Variants in TBCE observed in about 807,000 individuals in gnomAD.
TBCE encodes the protein tubulin-specific chaperone E.
A neutral mutation model predicts 77.0 loss-of-function variants in TBCE; 53 were observed. The ratio of observed to expected loss-of-function variants is 0.69; its 90% CI spans 0.55 to 0.87. The LOEUF (loss-of-function observed/expected upper bound fraction) is 0.87, where lower values mean the gene tolerates loss of function less well. Ranked by LOEUF, TBCE falls within the 40% of genes least tolerant of loss-of-function variation. The pLI is 0.00. For synonymous variants in TBCE, 235 were observed against 241.3 expected, an observed-to-expected ratio of 0.97 and a Z score of 0.24; for missense variants, 624 against 622.4, an observed-to-expected ratio of 1.00 and a Z score of -0.03.
At chr1:235,439,034 C>G in intron 13 of TBCE, 112 bp downstream of exon 13, 1 of 1,475,736 alleles carries the variant, frequency 6.8e-7, no homozygotes, top group Non-Finnish European at 9.4e-7. Flanking sequence ...TCTTCCTTTC[C>G]TGGGCTTCTT....
In TBCE at chr1:235,433,288, T is replaced by C. The variant is rs1012376560; in HGVS notation, c.661-916T>C. 11 of 742,100 alleles carry C rather than the reference T, an allele frequency of 1.5e-5. 1 individual carries two copies. Among genetic ancestry groups the C allele is most frequent in the African/African-American group, 1.5e-4 (8 of 54,466 alleles). 46.0% of individuals were successfully genotyped at this position (742,100 alleles called of 1,614,324 possible). On this transcript the variant is annotated intron_variant, in intron 7 of 16. Coordinates refer to ENST00000642610, the MANE Select transcript of TBCE (RefSeq NM_003193.5). ...TAGGCTGGAGTGCAGTGGTGTGATA[T>C]TGGCTCACTGCAACCTCTGCCTCCT...
chr1:235,370,063 T>A (rs1333357934), intron 1 of TBCE, among the ~76,000 whole-genome samples: 1 of 152,076 alleles, frequency 6.6e-6, no homozygotes, highest in Non-Finnish European at 1.5e-5. Context: ...GACCTTTACC[T>A]TCTCAGTAAG....
intron 1 of TBCE, among the ~76,000 whole-genome samples, chr1:235,377,489 G>A (rs1418760985): frequency 6.6e-6 from 1 of 151,948 alleles, no homozygotes; most frequent in African/African-American, 2.4e-5. Flanking sequence ...TAATGTTATT[G>A]TTTTTACAAA....
intron 15 of TBCE, among the ~76,000 whole-genome samples, chr1:235,447,965 C>T (rs1197717626): frequency 6.6e-6 from 1 of 152,026 alleles, no homozygotes; most frequent in Non-Finnish European, 1.5e-5. Flanking sequence ...AATCCCAGCA[C>T]TTTGGGGGGC....
rs532429524 is a variant in TBCE at position 235,448,581 on chromosome 1, C to T, written c.1492-89C>T. 11 of 1,382,638 alleles carry T rather than the reference C, an allele frequency of 8.0e-6. No individual in the cohort carries two copies. In the African/African-American group the frequency reaches 1.1e-4, roughly 14 times the overall value. The allele number at this position is 1,382,638 out of a possible 1,614,324, so 85.6% of individuals were successfully genotyped here. A position where few individuals can be genotyped will look rare whatever the true frequency, so the allele number is the denominator to read the frequency against. ...TTTGATTTTAAGGGTAAGCTACTGC[C>T]TGGGGACGGGGTGGGGGAAGAGTAT... On this transcript the variant is annotated intron_variant, in intron 16 of 16. Coordinates refer to ENST00000642610, the MANE Select transcript of TBCE (RefSeq NM_003193.5).
chr1:235,401,576 T>C lies in TBCE; in HGVS notation c.174T>C (p.Tyr58=), dbSNP rs1449514854. 6.2e-7 allele frequency: 1 copy of C among 1,613,556 alleles called. No individual in the cohort carries two copies. Among genetic ancestry groups the C allele is most frequent in the South Asian group, 1.1e-5 (1 of 91,060 alleles). The stretch of plus-strand genomic sequence containing the variant: ...ATGGGAGCCACGAAGGGACTGTGTA[T>C]TTTAAATGCAGGTAACTTTTCATTA... ...KHDGSHEGTV[Y]FKCRHPTGGS... is the part of the protein sequence containing the mutation. The change falls in exon 3 of 17, where the codon TAT becomes TAC. Residue 58 remains tyrosine, a synonymous_variant. Coordinates refer to ENST00000642610, the MANE Select transcript of TBCE (RefSeq NM_003193.5).
At chr1:235,442,296 G>A (rs1269695697) in intron 14 of TBCE, among the ~76,000 whole-genome samples, 2 of 152,094 alleles carry the variant, frequency 1.3e-5, no homozygotes, top group Non-Finnish European at 2.9e-5. Context: ...TTAGCCTCCC[G>A]AGTAGCTGGG....
At chr1:235,448,508 T>C (rs1682632612) in intron 16 of TBCE, 68 bp downstream of exon 16, 4 of 1,486,482 alleles carry the variant, frequency 2.7e-6, no homozygotes, top group Non-Finnish European at 3.8e-6. Flanking sequence ...TTAAACTGTC[T>C]CTAGATAGCA....
rs539977863 is a variant in TBCE at position 235,408,292 on chromosome 1, A to G, written c.186-6141A>G. 1.6e-4 allele frequency among the ~76,000 whole-genome samples: 25 copies of G among 152,372 alleles called. No individual in the cohort carries two copies. In the South Asian group the frequency reaches 5.2e-3, roughly 32 times the overall value. On this transcript the variant is annotated intron_variant, in intron 3 of 16. Transcript: ENST00000642610. ...TTGTATGTACCCACAAAAATTAAAAATTAAACTAAAAAAAGAAAGCCCTTG... is the reference window on the plus strand; with the variant it reads ...TTGTATGTACCCACAAAAATTAAAAGTTAAACTAAAAAAAGAAAGCCCTTG...
intron 7 of TBCE, among the ~76,000 whole-genome samples, chr1:235,431,724 G>A (rs1558385200): frequency 6.7e-6 from 1 of 148,380 alleles, no homozygotes. Context: ...CCAAGGTGGA[G>A]TGCAGTGGCG....
intron 3 of TBCE, among the ~76,000 whole-genome samples, chr1:235,408,923 C>A (rs1234532995): frequency 1.3e-5 from 2 of 151,972 alleles, no homozygotes; most frequent in Non-Finnish European, 2.9e-5. Flanking sequence ...TGTTGGGGAC[C>A]CTTTACCTTT....
chr1:235,446,174 C>G (rs970750235), intron 15 of TBCE, among the ~76,000 whole-genome samples: 1 of 149,856 alleles, frequency 6.7e-6, no homozygotes, highest in Non-Finnish European at 1.5e-5. Flanking sequence ...ATTATAAAAC[C>G]TATACATCCT....
At chr1:235,438,143 TG>T (rs879365202) in intron 12 of TBCE, among the ~76,000 whole-genome samples, 9 of 152,252 alleles carry the variant, frequency 5.9e-5, no homozygotes, top group Non-Finnish European at 1.2e-4. Context: ...GTGCATTCAC[TG>T]GGAGTCAGTC....
chr1:235,394,375 G>GTAATGAAT (rs1267404324), intron 2 of TBCE, among the ~76,000 whole-genome samples: 2 of 134,384 alleles, frequency 1.5e-5, no homozygotes, highest in African/African-American at 5.5e-5. Context: ...TGCCTGGCCT[G>GTAATGAAT]TAATGAATTT....
intron 15 of TBCE, among the ~76,000 whole-genome samples, chr1:235,446,292 T>C (rs1682280944): frequency 1.3e-5 from 2 of 152,228 alleles, no homozygotes; most frequent in Non-Finnish European, 2.9e-5. Context: ...TCTCCCGGCC[T>C]CAGCTTCCCA....
intron 5 of TBCE, among the ~76,000 whole-genome samples, chr1:235,426,381 T>C (rs775744445): frequency 3.0e-4 from 46 of 152,162 alleles, no homozygotes; most frequent in Non-Finnish European, 5.9e-5. Context: ...TTTGCACATG[T>C]GTCCCAAGTT....
At chr1:235,378,032 A>G (rs909611701) in intron 1 of TBCE, among the ~76,000 whole-genome samples, 6 of 152,150 alleles carry the variant, frequency 3.9e-5, no homozygotes, top group Non-Finnish European at 8.8e-5. Context: ...CTATATACCA[A>G]TGGAGTTTGT....
At chr1:235,401,997 A>G (rs1161423856) in intron 3 of TBCE, among the ~76,000 whole-genome samples, 1 of 151,936 alleles carries the variant, frequency 6.6e-6, no homozygotes, top group African/African-American at 2.4e-5. Context: ...GAATAGTGGA[A>G]TGTTGAGCCA....
chr1:235,372,164 T>A (rs1321886135), intron 1 of TBCE, among the ~76,000 whole-genome samples: 1 of 152,126 alleles, frequency 6.6e-6, no homozygotes, highest in Non-Finnish European at 1.5e-5. Flanking sequence ...ATATTTTAAT[T>A]TTTAATTTTG....
Sources: allele counts gnomAD v4.1 joint callset (sites outside exome capture counted in the v4.1 genomes callset), GRCh38; gene constraint gnomAD v4.1.1; transcripts MANE v1.5; gene names NCBI Gene and HGNC (gene_info 2026-07-23, HGNC 2026-07-21).